The following PVT1 variants were observed in gnomAD, a reference collection of about 807,000 sequenced individuals.
PVT1 encodes Pvt1 oncogene.
At position 128,061,366 on chromosome 8, in the gene PVT1, G is replaced by C. The variant is rs1024341981; in HGVS notation, n.913-8794G>C. Among the ~76,000 whole-genome samples, 5 of 152,194 alleles carry C rather than the reference G, an allele frequency of 3.3e-5. No homozygotes were observed. The South Asian group carries it at 1.0e-3, about 31-fold the overall frequency. ...ATGCCCAAAGTATATTCCATTGTGT[G>C]AATATATGCCCCATTTTATTTATTC... On this transcript the variant is annotated intron_variant and non_coding_transcript_variant, in intron 4 of 10. Transcript: ENST00000651587.
chr8:127,975,836 C>G (rs1386872913), intron 3 of PVT1, among the ~76,000 whole-genome samples: 2 of 152,194 alleles, frequency 1.3e-5, no homozygotes, highest in Non-Finnish European at 2.9e-5. Flanking sequence ...TTCATGTTGT[C>G]TCTTTATTTG....
intron 5 of PVT1, among the ~76,000 whole-genome samples, chr8:128,093,916 G>A (rs78385839): frequency 5.9e-5 from 9 of 152,312 alleles, no homozygotes; most frequent in Admixed American, 4.6e-4. Context: ...GATTACAGGC[G>A]TGAGCCACCG....
intron 4 of PVT1, among the ~76,000 whole-genome samples, chr8:128,069,509 T>C (rs543062210): frequency 2.2e-4 from 34 of 152,300 alleles, no homozygotes; most frequent in African/African-American, 8.2e-4. Flanking sequence ...TCTTGCTTTT[T>C]GTCCCTCATG....
chr8:127,948,647 CCTT>C (rs976880989), intron 3 of PVT1: 1 of 151,928 alleles, frequency 6.6e-6, no homozygotes, highest in Non-Finnish European at 1.5e-5. Context: ...TGGTGGGTGT[CCTT>C]ATCAGAAGAA....
chr8:127,826,369 T>C (rs13272369), intron 2 of PVT1, among the ~76,000 whole-genome samples: 85,476 of 151,876 alleles, frequency 0.56, 24,452 homozygotes, highest in Admixed American at 0.69. Flanking sequence ...TCAGTTGTTC[T>C]CACTAGTGGA....
intron 3 of PVT1, among the ~76,000 whole-genome samples, chr8:127,917,875 CT>C (rs1816006307): frequency 6.6e-6 from 1 of 152,262 alleles, no homozygotes; most frequent in Non-Finnish European, 1.5e-5. Flanking sequence ...CCAGCTGCCC[CT>C]CAGAGTGAGG....
At chr8:127,844,462 C>T (rs1411284265) in intron 2 of PVT1, among the ~76,000 whole-genome samples, 1 of 152,140 alleles carries the variant, frequency 6.6e-6, no homozygotes, top group Non-Finnish European at 1.5e-5. Context: ...AGCTTGTCTC[C>T]ACCCATTCCT....
intron 4 of PVT1, among the ~76,000 whole-genome samples, chr8:128,031,765 C>T (rs909269687): frequency 1.3e-5 from 2 of 152,156 alleles, no homozygotes; most frequent in Admixed American, 1.3e-4. Flanking sequence ...GTAGGTAGTA[C>T]TGTTATCTTC....
At chr8:128,033,957 T>C (rs1813429109) in intron 4 of PVT1, among the ~76,000 whole-genome samples, 1 of 152,132 alleles carries the variant, frequency 6.6e-6, no homozygotes. Context: ...AAGTGATTCC[T>C]GGGTGGCCAG....
intron 2 of PVT1, among the ~76,000 whole-genome samples, chr8:127,887,532 T>C (rs555842097): frequency 2.0e-5 from 3 of 152,210 alleles, no homozygotes; most frequent in African/African-American, 4.8e-5. Flanking sequence ...TTTTATTTTA[T>C]TTTTTAGACA....
At chr8:128,077,293 T>C (rs563563169) in intron 5 of PVT1, among the ~76,000 whole-genome samples, 1 of 152,254 alleles carries the variant, frequency 6.6e-6, no homozygotes, top group East Asian at 1.9e-4. Flanking sequence ...CTTAGTTAAG[T>C]GTTCCCTGGT....
At chr8:127,950,152 G>A (rs1730489151) in intron 3 of PVT1, among the ~76,000 whole-genome samples, 1 of 150,736 alleles carries the variant, frequency 6.6e-6, no homozygotes, top group African/African-American at 2.5e-5. Flanking sequence ...CGGGGCACAT[G>A]CTCTTCTAAT....
chr8:128,033,336 T>C (rs563059439), intron 4 of PVT1, among the ~76,000 whole-genome samples: 1 of 152,294 alleles, frequency 6.6e-6, no homozygotes, highest in Non-Finnish European at 1.5e-5. Context: ...TGTGTGTGTA[T>C]GTATGTGTGT....
intron 2 of PVT1, among the ~76,000 whole-genome samples, chr8:127,811,466 A>T (rs1814594242): frequency 6.6e-6 from 1 of 152,068 alleles, no homozygotes; most frequent in Non-Finnish European, 1.5e-5. Context: ...CCTAGCAGGG[A>T]GCTGGCATGT....
intron 4 of PVT1, among the ~76,000 whole-genome samples, chr8:128,066,342 TGA>T (rs1448455565): frequency 6.6e-6 from 1 of 152,232 alleles, no homozygotes; most frequent in African/African-American, 2.4e-5. Flanking sequence ...GGCCTGCTGC[TGA>T]TCAGTGCTAT....
rs927718707 is a variant in PVT1 at position 127,895,939 on chromosome 8, G to T, written n.782+4941G>T. ...TGTGCCAATAAAACTTTATTTACAA[G>T]AACTGGCAATAGGCCTTTAGGCTGT... is the stretch of plus-strand genomic sequence containing the variant. On this transcript the variant is annotated intron_variant and non_coding_transcript_variant, in intron 3 of 10. Coordinates refer to ENST00000651587, the Ensembl canonical transcript of PVT1. Among the ~76,000 whole-genome samples the T allele has an allele frequency of 1.3e-5, 2 of 152,238 alleles. 1 individual carries two copies. Among genetic ancestry groups the T allele is most frequent in the South Asian group, 4.1e-4 (2 of 4,826 alleles).
intron 2 of PVT1, among the ~76,000 whole-genome samples, chr8:127,859,459 T>C (rs1435336402): frequency 1.3e-5 from 2 of 152,188 alleles, no homozygotes; most frequent in African/African-American, 4.8e-5. Flanking sequence ...TGGAGCTTGC[T>C]TCCTTCCTAC....
Position 127,898,013 on chromosome 8 carries a change from C to A in PVT1, n.782+7015C>A, listed in dbSNP as rs903058305. Reference sequence around the variant, plus strand: ...AAGAAAGAAGATTCATTATTCTGTCCTCTGAACCTGAGTGAAGAAATATAC... The same window carrying A: ...AAGAAAGAAGATTCATTATTCTGTCATCTGAACCTGAGTGAAGAAATATAC... On this transcript the variant is annotated intron_variant and non_coding_transcript_variant, in intron 3 of 10. Coordinates refer to ENST00000651587, the Ensembl canonical transcript of PVT1. The surrounding 1 kb of genome is among the most constrained non-coding windows in gnomAD (Gnocchi z 4.4). 1.4e-5 allele frequency among the ~76,000 whole-genome samples: 2 copies of A among 145,458 alleles called. No homozygotes were observed. Among genetic ancestry groups the A allele is most frequent in the African/African-American group, 5.1e-5 (2 of 39,076 alleles).
At chr8:128,076,994 C>G (rs1814099610) in intron 5 of PVT1, among the ~76,000 whole-genome samples, 1 of 152,196 alleles carries the variant, frequency 6.6e-6, no homozygotes, top group Admixed American at 6.5e-5. Context: ...AGGGTATTCC[C>G]CTGCTTTGAG....
Sources: gnomAD v4.1 joint callset for allele counts (sites outside exome capture counted in the v4.1 genomes callset) on GRCh38, gnomAD v4.1.1 for gene constraint, Gnocchi (gnomAD v3.1) non-coding constraint, MANE v1.5 for transcripts, NCBI Gene and HGNC (gene_info 2026-07-23, HGNC 2026-07-21) for gene names.